The following AGBL4 variants were observed in gnomAD, a reference collection of about 807,000 sequenced individuals.
The protein encoded by AGBL4 is cytosolic carboxypeptidase 6.
AGBL4 carries 58 observed loss-of-function variants against 66.4 expected under a neutral mutation model. That is an observed-to-expected ratio of 0.87 (90% CI 0.71 to 1.09). The LOEUF is 1.09. AGBL4 is among the 50% of genes least tolerant of loss of function. The pLI is 0.00. For synonymous variants in AGBL4, 234 were observed against 222.9 expected, an observed-to-expected ratio of 1.05 and a Z score of -0.44; for missense variants, 579 against 631.0, an observed-to-expected ratio of 0.92 and a Z score of 0.88.
chr1:49,628,556 T>A (rs568013862), intron 3 of AGBL4, among the ~76,000 whole-genome samples: 1 of 152,230 alleles, frequency 6.6e-6, no homozygotes, highest in South Asian at 2.1e-4. Context: ...GGTTCCTAAA[T>A]CTTCAAAAGG....
At chr1:48,687,254 G>A (rs577113719) in intron 6 of AGBL4, among the ~76,000 whole-genome samples, 1 of 152,278 alleles carries the variant, frequency 6.6e-6, no homozygotes, top group African/African-American at 2.4e-5. Flanking sequence ...GAAAGGGCTG[G>A]GAGGCAAGGC....
chr1:48,546,864 A>AACAAACACACACACACACAC (rs767539394), intron 11 of AGBL4, among the ~76,000 whole-genome samples: 3 of 128,380 alleles, frequency 2.3e-5, no homozygotes, highest in African/African-American at 8.7e-5. Flanking sequence ...AAAACAAACA[A>AACAAACACACACACACACAC]ACACACACAC....
intron 4 of AGBL4, among the ~76,000 whole-genome samples, chr1:49,164,204 T>C (rs1400041305): frequency 6.6e-6 from 1 of 150,556 alleles, no homozygotes; most frequent in Non-Finnish European, 1.5e-5. Flanking sequence ...GAGATGCAGG[T>C]AGAGACCAAA....
At chr1:48,653,269 ATT>A in intron 8 of AGBL4, 66 bp downstream of exon 8, 10 of 1,262,428 alleles carry the variant, frequency 7.9e-6, no homozygotes, top group Non-Finnish European at 1.1e-5. Context: ...TATATCCCGT[ATT>A]TTTTCTTGCT....
At chr1:48,703,521 A>G (rs575328122) in intron 6 of AGBL4, among the ~76,000 whole-genome samples, 7 of 152,318 alleles carry the variant, frequency 4.6e-5, no homozygotes, top group African/African-American at 1.4e-4. Context: ...TAAAAAAGAA[A>G]AGTGACAAAT....
Position 48,683,020 on chromosome 1 carries a change from A to G in AGBL4, c.635-19779T>C, listed in dbSNP as rs750881355. 3.3e-5 allele frequency among the ~76,000 whole-genome samples: 5 copies of G among 152,238 alleles called. 1 individual carries two copies. Among genetic ancestry groups the G allele is most frequent in the African/African-American group, 1.2e-4 (5 of 41,460 alleles). ...AAGAGATGCTTTAAAATTGAGAAGT[A>G]TAGAACACTAAAAAGAACAGTGGGT... On this transcript the variant is annotated intron_variant, in intron 6 of 13. Coordinates refer to ENST00000371839, the MANE Select transcript of AGBL4 (RefSeq NM_032785.4).
chr1:50,019,736 C>T (rs1406041262), intron 1 of AGBL4, among the ~76,000 whole-genome samples: 1 of 151,994 alleles, frequency 6.6e-6, no homozygotes. Flanking sequence ...AATTATTTTA[C>T]CGGGTAACTA....
chr1:49,400,460 A>T (rs1201263691), intron 3 of AGBL4, among the ~76,000 whole-genome samples: 1 of 152,046 alleles, frequency 6.6e-6, no homozygotes, highest in African/African-American at 2.4e-5. Context: ...GAATCTGTAG[A>T]TTGCTTTGGA....
chr1:48,617,286 C>A (rs1379109374), intron 9 of AGBL4, among the ~76,000 whole-genome samples: 1 of 152,114 alleles, frequency 6.6e-6, no homozygotes, highest in Non-Finnish European at 1.5e-5. Flanking sequence ...GACATTTTGT[C>A]ATTTTTAACA....
chr1:49,894,044 T>C (rs1383429693), intron 1 of AGBL4, among the ~76,000 whole-genome samples: 1 of 152,152 alleles, frequency 6.6e-6, no homozygotes, highest in Non-Finnish European at 1.5e-5. Flanking sequence ...TCTGCTTGTT[T>C]AGGAGAAAGT....
rs576937750 is a variant in AGBL4 at position 49,547,343 on chromosome 1, T to C, written c.282+149970A>G. Among the ~76,000 whole-genome samples, 11 of 152,352 alleles carry C rather than the reference T, an allele frequency of 7.2e-5. No individual in the cohort carries two copies. In the South Asian group the frequency reaches 1.9e-3, roughly 26 times the overall value. ...TTTGGGTTTATTTCTGGGATCTCTA[T>C]TCTGTTCCATTGGCCTATGTACCTA... On this transcript the variant is annotated intron_variant, in intron 3 of 13. Coordinates refer to ENST00000371839, the MANE Select transcript of AGBL4 (RefSeq NM_032785.4).
At chr1:48,888,426 G>A (rs185302393) in intron 5 of AGBL4, among the ~76,000 whole-genome samples, 185 of 152,124 alleles carry the variant, frequency 1.2e-3, no homozygotes, top group African/African-American at 3.8e-3. Flanking sequence ...CTTCCTCTGC[G>A]CCATAGCCTG....
intron 5 of AGBL4, among the ~76,000 whole-genome samples, chr1:48,912,197 C>T (rs1449221781): frequency 1.3e-5 from 2 of 151,420 alleles, no homozygotes; most frequent in East Asian, 3.9e-4. Context: ...CTGACAGCAA[C>T]AATGTAAGCA....
chr1:48,828,271 C>T lies in AGBL4; in HGVS notation c.634+38920G>A, dbSNP rs529879365. Among the ~76,000 whole-genome samples, 10 of 152,068 alleles carry T rather than the reference C, an allele frequency of 6.6e-5. No homozygotes were observed. The East Asian group carries it at 7.7e-4, about 12-fold the overall frequency. ...ACATCAGACAGTAGAAGAGAGAAGA[C>T]GGATTACTCCCCTCCTACCACCATA... On this transcript the variant is annotated intron_variant, in intron 6 of 13. Transcript: ENST00000371839.
At chr1:48,721,738 C>T (rs1024033411) in intron 6 of AGBL4, among the ~76,000 whole-genome samples, 4 of 152,222 alleles carry the variant, frequency 2.6e-5, no homozygotes, top group African/African-American at 9.7e-5. Context: ...ACAGAGCTGT[C>T]TTTCCAGCAC....
At chr1:48,867,520 A>C (rs1200558247) in intron 5 of AGBL4, among the ~76,000 whole-genome samples, 7 of 152,134 alleles carry the variant, frequency 4.6e-5, no homozygotes, top group Admixed American at 4.6e-4. Flanking sequence ...AATGTGGCTC[A>C]CCTAGAGCCA....
intron 3 of AGBL4, among the ~76,000 whole-genome samples, chr1:49,614,477 C>A (rs1339672642): frequency 6.6e-6 from 1 of 151,968 alleles, no homozygotes; most frequent in African/African-American, 2.4e-5. Flanking sequence ...TGAATAATTT[C>A]CAAAATTTGA....
chr1:48,638,287 C>T (rs1201461294), intron 8 of AGBL4, among the ~76,000 whole-genome samples: 1 of 152,240 alleles, frequency 6.6e-6, no homozygotes, highest in Non-Finnish European at 1.5e-5. Context: ...TGGGGACCAG[C>T]AGCTTTGGGA....
chr1:49,227,700 T>C (rs754051067), intron 4 of AGBL4, among the ~76,000 whole-genome samples: 5 of 152,248 alleles, frequency 3.3e-5, no homozygotes, highest in Non-Finnish European at 1.5e-5. Flanking sequence ...ATGATTTATG[T>C]AGAAATAATT....
Sources: gnomAD v4.1 joint callset for allele counts (sites outside exome capture counted in the v4.1 genomes callset) on GRCh38, gnomAD v4.1.1 for gene constraint, MANE v1.5 for transcripts, NCBI Gene and HGNC (gene_info 2026-07-23, HGNC 2026-07-21) for gene names.